The following DNAH6 variants were observed in gnomAD, a reference collection of about 807,000 sequenced individuals.
The protein encoded by DNAH6 is axonemal beta dynein heavy chain 6.
DNAH6 carries 340 observed loss-of-function variants against 491.4 expected under a neutral mutation model. The ratio of observed to expected loss-of-function variants is 0.69; its 90% CI spans 0.63 to 0.76. DNAH6 has a LOEUF of 0.76. DNAH6 is among the 30% of genes least tolerant of loss of function. The pLI is 0.00. For missense variants in DNAH6, 4,443 were observed against 4,972.2 expected (o/e 0.89, Z 3.20); for synonymous variants, 1,603 against 1,686.1 (o/e 0.95, Z 1.21).
Position 84,819,456 on chromosome 2 carries a change from C to A in DNAH6, c.*48C>A, listed in dbSNP as rs1307874471. 1.6e-6 allele frequency: 2 copies of A among 1,222,762 alleles called. No homozygotes were observed. Among genetic ancestry groups the A allele is most frequent in the Admixed American group, 4.6e-5 (2 of 43,486 alleles). The allele number at this position is 1,222,762 out of a possible 1,614,324, so 75.7% of individuals were successfully genotyped here. On this transcript the variant is annotated 3_prime_UTR_variant, in exon 77 of 77. Coordinates refer to ENST00000389394, the MANE Select transcript of DNAH6 (RefSeq NM_001370.2). ...AAAAGAACCAGGCCAGAGATCTTTC[C>A]TAATGGGAGCAAAAGGTTTGAATAA...
chr2:84,587,769 T>A (rs1194547606), intron 15 of DNAH6, among the ~76,000 whole-genome samples: 1 of 152,150 alleles, frequency 6.6e-6, no homozygotes, highest in African/African-American at 2.4e-5. Flanking sequence ...TCCTACCTAT[T>A]GCCCCATAAA....
chr2:84,634,653 G>A lies in DNAH6; in HGVS notation c.4653+12G>A. The A allele has an allele frequency of 6.7e-7, 1 of 1,499,268 alleles. No homozygotes were observed. The highest frequency in any genetic ancestry group is 1.7e-4 in the Middle Eastern group (1 of 5,726). 92.9% of individuals were successfully genotyped at this position (1,499,268 alleles called of 1,614,324 possible). A position where few individuals can be genotyped will look rare whatever the true frequency, so the allele number is the denominator to read the frequency against. ...CCAAAGCGGCAAAGGTAAGGCACTG[G>A]GCAATCGACTTTCAAGGTAGCAATC... is the stretch of plus-strand genomic sequence containing the variant. On this transcript the variant is annotated intron_variant, in intron 30 of 76. Coordinates refer to ENST00000389394, the MANE Select transcript of DNAH6 (RefSeq NM_001370.2).
intron 15 of DNAH6, among the ~76,000 whole-genome samples, chr2:84,586,425 T>C (rs1683560976): frequency 1.3e-5 from 2 of 152,258 alleles, no homozygotes; most frequent in African/African-American, 4.8e-5. Context: ...TGAACTTCTA[T>C]TAATTAGAAC....
intron 59 of DNAH6, among the ~76,000 whole-genome samples, chr2:84,720,301 C>G (rs1365781009): frequency 1.1e-5 from 1 of 92,242 alleles, no homozygotes; most frequent in Non-Finnish European, 1.9e-5. Context: ...TTTTTTGAGA[C>G]AGAGTCTCGC....
chr2:84,549,239 G>A (rs1679088899), intron 8 of DNAH6, among the ~76,000 whole-genome samples: 1 of 152,186 alleles, frequency 6.6e-6, no homozygotes, highest in Non-Finnish European at 1.5e-5. Flanking sequence ...TTGCAATTAT[G>A]TAATACATCT....
At chr2:84,673,277 G>A (rs1020453988) in intron 40 of DNAH6, among the ~76,000 whole-genome samples, 9 of 23,916 alleles carry the variant, frequency 3.8e-4, no homozygotes, top group African/African-American at 4.9e-4. Flanking sequence ...GGCCCATGAG[G>A]AGGAATCTGG....
chr2:84,786,101 A>AGAAAGAAAGAATGAAT, intron 67 of DNAH6, among the ~76,000 whole-genome samples: 1 of 150,366 alleles, frequency 6.7e-6, no homozygotes, highest in Middle Eastern at 3.5e-3. Flanking sequence ...AGAGAAAGAA[A>AGAAAGAAAGAATGAAT]GAATGAATGA....
In DNAH6 at chr2:84,653,858, T is replaced by C. The variant is rs1690692490; in HGVS notation, c.5618T>C (p.Ile1873Thr). The C allele has an allele frequency of 6.5e-7, 1 of 1,548,258 alleles. No homozygotes were observed. The highest frequency in any genetic ancestry group is 8.7e-7 in the Non-Finnish European group (1 of 1,144,702). ...GAGAGGATTAAACTCACACCTCAAA[T>C]TCACATGCTTTTTGAGGTAAGTGTA... The part of the protein sequence containing the change: ...NSERIKLTPQ[I>T]HMLFEVQDLR... The change falls in exon 34 of 77, where the codon ATT becomes ACT. Residue 1873 changes from isoleucine to threonine, a missense_variant. Physicochemically the swap from Ile to Thr is moderately conservative, Grantham distance 89. Transcript: ENST00000389394.
At chr2:84,776,210 A>G (rs188296113) in intron 64 of DNAH6, among the ~76,000 whole-genome samples, 381 of 152,318 alleles carry the variant, frequency 2.5e-3, no homozygotes, top group African/African-American at 8.2e-3. Flanking sequence ...TGGACTAGAA[A>G]TGTCCAGTGA....
rs1236683359 is a variant in DNAH6 at position 84,670,469 on chromosome 2, A to G, written c.6448A>G (p.Ile2150Val). 2 of 1,523,500 alleles carry G rather than the reference A, an allele frequency of 1.3e-6. No individual in the cohort carries two copies. Among genetic ancestry groups the G allele is most frequent in the East Asian group, 2.5e-5 (1 of 40,468 alleles). The allele number at this position is 1,523,500 out of a possible 1,614,324, so 94.4% of individuals were successfully genotyped here. ...ESKLERKRKN[I>V]LGAPGNKRIV... Reference sequence around the variant, plus strand: ...AAAACTGGAGAGAAAAAGAAAAAATATTCTAGGTAAGAATCATTATTTTAG... The same window carrying G: ...AAAACTGGAGAGAAAAAGAAAAAATGTTCTAGGTAAGAATCATTATTTTAG... The change falls in exon 39 of 77, where the codon ATT (isoleucine) becomes GTT (valine). Residue 2150 changes from isoleucine to valine, a missense_variant. This residue lies in a region of DNAH6 where 2,977 missense variants were observed against 3,296.6 expected (regional missense o/e 0.90). Transcript: ENST00000389394.
chr2:84,501,142 T>C, the DNAH6 span, among the ~76,000 whole-genome samples: 1 of 152,248 alleles, frequency 6.6e-6, no homozygotes, highest in Non-Finnish European at 1.5e-5. Context: ...TTCCCAATCA[T>C]TATGACACTA....
At chr2:84,722,502 T>G (rs1305120205) in intron 59 of DNAH6, 123 bp from the exon 60 acceptor site, 2 of 800,436 alleles carry the variant, frequency 2.5e-6, no homozygotes, top group African/African-American at 3.6e-5. Flanking sequence ...TGGGGACCCC[T>G]TATTATAATC....
intron 11 of DNAH6, among the ~76,000 whole-genome samples, chr2:84,570,039 A>G (rs979064166): frequency 1.3e-5 from 2 of 152,138 alleles, no homozygotes; most frequent in Non-Finnish European, 2.9e-5. Flanking sequence ...TCTAGTATCC[A>G]CATGTTAGTT....
chr2:84,621,586 C>A, intron 26 of DNAH6, 35 bp downstream of exon 26: 2 of 1,336,062 alleles, frequency 1.5e-6, no homozygotes, highest in Non-Finnish European at 2.1e-6. Flanking sequence ...TGTTGTCCTG[C>A]AAGATGGTCT....
chr2:84,707,425 T>C, intron 53 of DNAH6, 95 bp from the exon 54 acceptor site: 2 of 1,124,584 alleles, frequency 1.8e-6, no homozygotes, highest in African/African-American at 3.1e-5. Context: ...AGCTAAATAA[T>C]GCTATTCTGC....
chr2:84,641,865 C>A, intron 32 of DNAH6, 82 bp from the exon 33 acceptor site: 1 of 1,118,922 alleles, frequency 8.9e-7, no homozygotes, highest in Non-Finnish European at 1.3e-6. Context: ...AGGGGAAGGG[C>A]TCTGCCCTCC....
intron 4 of DNAH6, among the ~76,000 whole-genome samples, chr2:84,535,171 A>G (rs1258509680): frequency 6.6e-6 from 1 of 152,016 alleles, no homozygotes; most frequent in Non-Finnish European, 1.5e-5. Context: ...ATTAAGGTCT[A>G]CAATTCTCTT....
At chr2:84,674,939 C>T (rs1462348047) in intron 40 of DNAH6, among the ~76,000 whole-genome samples, 3 of 152,236 alleles carry the variant, frequency 2.0e-5, no homozygotes, top group African/African-American at 7.2e-5. Flanking sequence ...ACATGCCCCA[C>T]AGTCCCACTG....
At chr2:84,523,944 T>C (rs188716449) in intron 2 of DNAH6, among the ~76,000 whole-genome samples, 4 of 152,234 alleles carry the variant, frequency 2.6e-5, no homozygotes, top group Non-Finnish European at 5.9e-5. Context: ...TGGAGAGTTC[T>C]GTAGAGGTCT....
Sources: allele counts gnomAD v4.1 joint callset (sites outside exome capture counted in the v4.1 genomes callset), GRCh38; gene constraint gnomAD v4.1.1; regional missense constraint gnomAD v4.1.1; transcripts MANE v1.5; gene names NCBI Gene and HGNC (gene_info 2026-07-23, HGNC 2026-07-21).